The following MCU variants were observed in gnomAD, a reference collection of about 807,000 sequenced individuals.
The protein encoded by MCU is calcium uniporter protein, mitochondrial.
A neutral mutation model predicts 45.2 loss-of-function variants in MCU; 12 were observed. The observed-to-expected ratio is 0.27, with a 90% CI of 0.17 to 0.43. MCU has a LOEUF of 0.43. Among genes scored for constraint, MCU ranks in the 20% least tolerant of loss-of-function variants. The pLI is 1.00. For synonymous variants in MCU, 160 were observed against 165.1 expected, an observed-to-expected ratio of 0.97 and a Z score of 0.24; for missense variants, 324 against 436.7, an observed-to-expected ratio of 0.74 and a Z score of 2.30.
intron 3 of MCU, 106 bp from the exon 4 acceptor site, chr10:72,860,317 T>C: frequency 1.1e-6 from 1 of 924,762 alleles, no homozygotes; most frequent in South Asian, 1.6e-5. Context: ...AACTGAAATT[T>C]TAAAAGGAAG....
chr10:72,881,984 G>A lies in MCU; in HGVS notation c.862-2282G>A, dbSNP rs555722918. 5.9e-5 allele frequency among the ~76,000 whole-genome samples: 9 copies of A among 152,296 alleles called. No homozygotes were observed. The East Asian group carries it at 7.7e-4, about 13-fold the overall frequency. On this transcript the variant is annotated intron_variant, in intron 6 of 7. Transcript: ENST00000373053. ...GTCAGGGACCCCAAACGGAGGGACC[G>A]GCTGAAGCCATGGCAGAAGAACGTG...
intron 1 of MCU, among the ~76,000 whole-genome samples, chr10:72,780,810 C>T (rs1303004565): frequency 6.6e-6 from 1 of 152,114 alleles, no homozygotes; most frequent in Non-Finnish European, 1.5e-5. Flanking sequence ...ATCTTCCTTA[C>T]ACTCACAGGC....
chr10:72,751,643 G>T (rs766890093), intron 1 of MCU, among the ~76,000 whole-genome samples: 1 of 149,576 alleles, frequency 6.7e-6, no homozygotes, highest in Admixed American at 6.7e-5. Flanking sequence ...GGTGTGAGCC[G>T]CTGCACTCCA....
chr10:72,881,673 A>G (rs531118105), intron 6 of MCU, among the ~76,000 whole-genome samples: 1 of 152,370 alleles, frequency 6.6e-6, no homozygotes, highest in East Asian at 1.9e-4. Flanking sequence ...AATCAGTAAG[A>G]AAGTGACAGA....
At chr10:72,819,160 G>A (rs1045324151) in intron 1 of MCU, among the ~76,000 whole-genome samples, 8 of 152,146 alleles carry the variant, frequency 5.3e-5, no homozygotes, top group Admixed American at 2.6e-4. Flanking sequence ...AGCAGAGAGG[G>A]ATTTAGTTCA....
At chr10:72,709,939 C>T (rs1222601050) in intron 1 of MCU, among the ~76,000 whole-genome samples, 1 of 152,150 alleles carries the variant, frequency 6.6e-6, no homozygotes. Flanking sequence ...GGCCAACTGC[C>T]ACAAAGTTGG....
chr10:72,797,226 A>T (rs71507072), intron 1 of MCU, among the ~76,000 whole-genome samples: 83,370 of 147,290 alleles, frequency 0.57, 24,802 homozygotes, highest in Non-Finnish European at 0.67. Flanking sequence ...ATTTTATTTT[A>T]TTTTATTTTT....
At chr10:72,801,924 C>T (rs968643930) in intron 1 of MCU, among the ~76,000 whole-genome samples, 3 of 152,078 alleles carry the variant, frequency 2.0e-5, no homozygotes, top group Non-Finnish European at 2.9e-5. Context: ...CCACCCACCT[C>T]GGCCTCCCAA....
chr10:72,759,927 C>T (rs1370916713), intron 1 of MCU, among the ~76,000 whole-genome samples: 1 of 152,128 alleles, frequency 6.6e-6, no homozygotes, highest in Non-Finnish European at 1.5e-5. Flanking sequence ...CTTCTAGCCT[C>T]TAGAACTGTG....
intron 2 of MCU, among the ~76,000 whole-genome samples, chr10:72,846,628 G>GT (rs2132851130): frequency 6.6e-6 from 1 of 152,076 alleles, no homozygotes; most frequent in African/African-American, 2.4e-5. Flanking sequence ...TTTTTTCTTA[G>GT]TTCTTTCTGA....
intron 1 of MCU, among the ~76,000 whole-genome samples, chr10:72,714,068 G>T (rs1401266529): frequency 6.6e-6 from 1 of 151,306 alleles, no homozygotes; most frequent in Non-Finnish European, 1.5e-5. Flanking sequence ...CCTGGTTCAA[G>T]CAGTTCTCCT....
chr10:72,832,978 T>C (rs1438378992), intron 1 of MCU, among the ~76,000 whole-genome samples: 3 of 54,500 alleles, frequency 5.5e-5, no homozygotes, highest in South Asian at 4.2e-4. Flanking sequence ...AAACTGACTC[T>C]GAAGTTCATG....
chr10:72,734,150 G>A (rs1843219187), intron 1 of MCU, among the ~76,000 whole-genome samples: 1 of 152,172 alleles, frequency 6.6e-6, no homozygotes, highest in Non-Finnish European at 1.5e-5. Context: ...GGAGGCTGAG[G>A]CAGGAGGATC....
intron 1 of MCU, among the ~76,000 whole-genome samples, chr10:72,806,504 A>G (rs1445135561): frequency 6.6e-6 from 1 of 152,206 alleles, no homozygotes; most frequent in Non-Finnish European, 1.5e-5. Flanking sequence ...TGATTCATTA[A>G]TTCATTCAAA....
At chr10:72,700,725 A>G (rs1292420403) in intron 1 of MCU, among the ~76,000 whole-genome samples, 1 of 152,260 alleles carries the variant, frequency 6.6e-6, no homozygotes, top group East Asian at 1.9e-4. Flanking sequence ...ATGATATGAC[A>G]TCGCATTTTG....
intron 1 of MCU, among the ~76,000 whole-genome samples, chr10:72,748,709 G>GA (rs369509496): frequency 1.7e-3 from 263 of 151,784 alleles, no homozygotes; most frequent in African/African-American, 5.9e-3. Flanking sequence ...ATTCTCTGAA[G>GA]AAATACTTCA....
intron 1 of MCU, chr10:72,756,986 A>G (rs958010165): frequency 6.6e-6 from 1 of 151,906 alleles, no homozygotes; most frequent in African/African-American, 2.4e-5. Context: ...CAGCCTGGAT[A>G]ACGTAATGAG....
intron 6 of MCU, among the ~76,000 whole-genome samples, chr10:72,872,081 T>C (rs1845550602): frequency 6.6e-6 from 1 of 152,220 alleles, no homozygotes; most frequent in Non-Finnish European, 1.5e-5. Context: ...GTTTCCATTA[T>C]GGAAGAGAGC....
chr10:72,806,474 G>A lies in MCU; in HGVS notation c.151-27885G>A, dbSNP rs534153846. On this transcript the variant is annotated intron_variant, in intron 1 of 7. Coordinates refer to ENST00000373053, the MANE Select transcript of MCU (RefSeq NM_138357.3). ...CGCGCCCGGCATGAAGAGCTTTAAAGACAGCTATGTGGAGGCCTTTGATTC... is the reference window on the plus strand; with the variant it reads ...CGCGCCCGGCATGAAGAGCTTTAAAAACAGCTATGTGGAGGCCTTTGATTC... Among the ~76,000 whole-genome samples, 11 of 152,256 alleles carry A rather than the reference G, an allele frequency of 7.2e-5. 1 individual carries two copies. The South Asian group carries it at 2.3e-3, about 32-fold the overall frequency.
Sources: allele counts gnomAD v4.1 joint callset (sites outside exome capture counted in the v4.1 genomes callset), GRCh38; gene constraint gnomAD v4.1.1; transcripts MANE v1.5; gene names NCBI Gene and HGNC (gene_info 2026-07-23, HGNC 2026-07-21).